Variants in KANSL3 observed in about 807,000 individuals in gnomAD.
KANSL3 encodes the protein NSL complex protein NSL3.
Under a neutral mutation model 89.2 loss-of-function variants are expected in KANSL3, and 16 were observed. The ratio of observed to expected loss-of-function variants is 0.18; its 90% CI spans 0.12 to 0.27. KANSL3 has a LOEUF of 0.27. Ranked by LOEUF, KANSL3 falls within the 10% of genes least tolerant of loss-of-function variation. KANSL3 has a pLI of 1.00. For missense variants in KANSL3, 879 were observed against 1,110.6 expected (o/e 0.79, Z 2.96); for synonymous variants, 385 against 419.7 (o/e 0.92, Z 1.01).
intron 3 of KANSL3, among the ~76,000 whole-genome samples, chr2:96,626,267 T>C (rs2072285197): frequency 1.3e-5 from 2 of 148,674 alleles, no homozygotes; most frequent in Admixed American, 1.4e-4. Flanking sequence ...GTACATCAGA[T>C]AAACTCAACA....
At chr2:96,601,015 G>A (rs1457320097) in intron 20 of KANSL3, 6 of 483,302 alleles carry the variant, frequency 1.2e-5, no homozygotes, top group South Asian at 8.9e-5. Context: ...GGCCAGGAGC[G>A]GTGGCTCACA....
At chr2:96,607,726 C>T (rs577535568) in intron 14 of KANSL3, among the ~76,000 whole-genome samples, 118 of 152,308 alleles carry the variant, frequency 7.7e-4, no homozygotes, top group African/African-American at 2.3e-3. Flanking sequence ...AAAAGAAACA[C>T]AGGGAAAGTA....
chr2:96,618,006 C>A (rs1011753174), intron 5 of KANSL3, among the ~76,000 whole-genome samples: 2 of 147,320 alleles, frequency 1.4e-5, no homozygotes, highest in African/African-American at 2.5e-5. Context: ...AAAAAAATTT[C>A]TTTGCTGGGT....
At chr2:96,606,363 G>C (rs1019020036) in intron 14 of KANSL3, 1 of 152,598 alleles carries the variant, frequency 6.6e-6, no homozygotes, top group Non-Finnish European at 1.5e-5. Flanking sequence ...CTTCCTCAAA[G>C]ATTCCCTCCT....
rs371529777 is a variant in KANSL3 at position 96,610,747 on chromosome 2, C to A, written c.1298G>T (p.Gly433Val). 3 of 1,613,960 alleles carry A rather than the reference C, an allele frequency of 1.9e-6. No homozygotes were observed. The highest frequency in any genetic ancestry group is 2.5e-6 in the Non-Finnish European group (3 of 1,179,882). The change falls in exon 11 of 21, where the codon GGG (glycine) becomes GTG (valine). Residue 433 changes from glycine to valine, a missense_variant. By Grantham distance (109) the Gly-to-Val change is moderately radical (BLOSUM62 -3). Around this residue, in one of 6 missense-constraint regions of KANSL3, gnomAD observed 198 missense variants for 260.3 expected, o/e 0.76. Transcript: ENST00000431828. ...CCACCTGAGATTGTCATCAGCTCCCCCAACCACCACCAAGCTGTTCTCAGC... is the reference window on the plus strand; with the variant it reads ...CCACCTGAGATTGTCATCAGCTCCCACAACCACCACCAAGCTGTTCTCAGC... ...IRAENSLVVVGGADDNLRISK... is the reference protein window; with the variant it reads ...IRAENSLVVVVGADDNLRISK...
Position 96,593,613 on chromosome 2 carries a change from A to T in KANSL3, c.*1998T>A. The T allele has an allele frequency of 3.6e-6, 1 of 280,786 alleles. No homozygotes were observed. Among genetic ancestry groups the T allele is most frequent in the South Asian group, 3.7e-5 (1 of 26,686 alleles). The allele number at this position is 280,786 out of a possible 1,614,324, so 17.4% of individuals were successfully genotyped here. A position where few individuals can be genotyped will look rare whatever the true frequency, so the allele number is the denominator to read the frequency against. ...TGGAGTTCTTCAAGGTGGACAGATC[A>T]CACCTCAGGAAGTCATCCCTTGTAA... On this transcript the variant is annotated 3_prime_UTR_variant, in exon 21 of 21. Coordinates refer to ENST00000431828, the MANE Select transcript of KANSL3 (RefSeq NM_001115016.3).
chr2:96,586,224 CAAAAAA>C, the KANSL3 span, among the ~76,000 whole-genome samples: 1 of 61,522 alleles, frequency 1.6e-5, no homozygotes. Context: ...GACTCAGTCT[CAAAAAA>C]AAAAAAAAAA....
intron 20 of KANSL3, 77 bp from the exon 21 acceptor site, chr2:96,595,708 A>C: frequency 1.4e-6 from 2 of 1,469,596 alleles, no homozygotes; most frequent in Non-Finnish European, 1.9e-6. Context: ...TATCCCAATT[A>C]TCCCAACTCC....
At chr2:96,627,494 C>T (rs2072569755) in intron 3 of KANSL3, among the ~76,000 whole-genome samples, 1 of 152,102 alleles carries the variant, frequency 6.6e-6, no homozygotes, top group African/African-American at 2.4e-5. Flanking sequence ...GGATTACAGG[C>T]GAGAGCTACT....
rs2067037572 is a variant in KANSL3, at chr2:96,600,601, GA to G, written c.2616+1041del. 3.0e-6 allele frequency: 3 copies of G among 985,292 alleles called. No homozygotes were observed. The South Asian group carries it at 1.4e-4, about 46-fold the overall frequency. 61.0% of individuals were successfully genotyped at this position (985,292 alleles called of 1,614,324 possible). A position where few individuals can be genotyped will look rare whatever the true frequency, so the allele number is the denominator to read the frequency against. ...GTTGACATGGTGGAAAGGACAGGGA[GA>G]CACAGGAAGGCCTTGGCTGTATAGC... On this transcript the variant is annotated intron_variant, in intron 20 of 20. Coordinates refer to ENST00000431828, the MANE Select transcript of KANSL3 (RefSeq NM_001115016.3).
At chr2:96,607,872 A>T (rs1233155682) in intron 14 of KANSL3, among the ~76,000 whole-genome samples, 2 of 152,182 alleles carry the variant, frequency 1.3e-5, no homozygotes, top group African/African-American at 4.8e-5. Context: ...ACCAATGCCC[A>T]AGAGGCCTTA....
intron 17 of KANSL3, chr2:96,603,552 G>A (rs2067501013): frequency 2.6e-5 from 4 of 152,484 alleles, no homozygotes; most frequent in Admixed American, 2.6e-4. Flanking sequence ...CCAAAGTGTT[G>A]GGATTACAGG....
At chr2:96,604,129 ACT>A in intron 17 of KANSL3, 119 bp downstream of exon 17, 2 of 1,081,886 alleles carry the variant, frequency 1.8e-6, no homozygotes, top group South Asian at 4.3e-5. Context: ...CTCTATGATC[ACT>A]CTAAGACCCA....
At chr2:96,616,882 A>G (rs1163394303) in intron 5 of KANSL3, among the ~76,000 whole-genome samples, 1 of 152,222 alleles carries the variant, frequency 6.6e-6, no homozygotes, top group Non-Finnish European at 1.5e-5. Context: ...GGAGATGTCC[A>G]GTCAGTAACT....
intron 20 of KANSL3, chr2:96,600,423 A>T (rs1364284866): frequency 1.0e-6 from 1 of 979,910 alleles, no homozygotes; most frequent in African/African-American, 1.7e-5. Flanking sequence ...AGATAAAATT[A>T]AAACATTTCC....
the KANSL3 span, among the ~76,000 whole-genome samples, chr2:96,581,555 A>G: frequency 1.3e-5 from 2 of 152,174 alleles, no homozygotes; most frequent in Admixed American, 1.3e-4. Context: ...GAGTGCTTCA[A>G]CATGCTGCTT....
downstream of KANSL3, among the ~76,000 whole-genome samples, chr2:96,592,533 G>A (rs1215785534): frequency 6.6e-6 from 1 of 152,110 alleles, no homozygotes; most frequent in Non-Finnish European, 1.5e-5. Flanking sequence ...GTCACGTGCA[G>A]GCCAAGCCAC....
chr2:96,594,304 C>T lies in KANSL3; in HGVS notation c.*1307G>A, dbSNP rs2066392270. 1 of 152,224 alleles carries T rather than the reference C, an allele frequency of 6.6e-6. No homozygotes were observed. The highest frequency in any genetic ancestry group is 2.4e-5 in the African/African-American group (1 of 41,448). 9.4% of individuals were successfully genotyped at this position (152,224 alleles called of 1,614,324 possible). ...CCTAATTTATTACCTTAACTAGAAA[C>T]ATTCTAAGTATGGGAGCCTGTTCTG... On this transcript the variant is annotated 3_prime_UTR_variant, in exon 21 of 21. Transcript: ENST00000431828.
At chr2:96,624,462 A>T (rs2071913110) in intron 3 of KANSL3, among the ~76,000 whole-genome samples, 1 of 152,182 alleles carries the variant, frequency 6.6e-6, no homozygotes, top group South Asian at 2.1e-4. Flanking sequence ...TTTATAAGCC[A>T]CTGCAGTGAC....
Sources: allele counts gnomAD v4.1 joint callset (sites outside exome capture counted in the v4.1 genomes callset), GRCh38; gene constraint gnomAD v4.1.1; regional missense constraint gnomAD v4.1.1; transcripts MANE v1.5; gene names NCBI Gene and HGNC (gene_info 2026-07-23, HGNC 2026-07-21).